The following FKBP6 variants were observed in gnomAD, a reference collection of about 807,000 sequenced individuals.
The protein encoded by FKBP6 is inactive peptidyl-prolyl cis-trans isomerase FKBP6.
FKBP6 carries 29 observed loss-of-function variants against 41.7 expected under a neutral mutation model. The ratio of observed to expected loss-of-function variants is 0.70; its 90% confidence interval spans 0.52 to 0.95. FKBP6 has a LOEUF of 0.95. FKBP6 is among the 40% of genes least tolerant of loss of function. The pLI is 0.00. For missense variants in FKBP6, 338 were observed against 408.7 expected (o/e 0.83, Z 1.49); for synonymous variants, 130 against 165.1 (o/e 0.79, Z 1.63).
chr7:73,345,505 C>T (rs1299616303), intron 8 of FKBP6, among the ~76,000 whole-genome samples: 3 of 152,162 alleles, frequency 2.0e-5, no homozygotes, highest in Non-Finnish European at 2.9e-5. Flanking sequence ...GGCAGGACTC[C>T]GGCCTGGTTG....
At chr7:73,338,317 C>T (rs1805069865) in intron 5 of FKBP6, among the ~76,000 whole-genome samples, 1 of 152,208 alleles carries the variant, frequency 6.6e-6, no homozygotes, top group Non-Finnish European at 1.5e-5. Flanking sequence ...TGAGCCACCG[C>T]ACCCGGACCC....
intron 8 of FKBP6, among the ~76,000 whole-genome samples, chr7:73,350,376 T>C (rs571431205): frequency 5.9e-5 from 9 of 152,284 alleles, no homozygotes; most frequent in African/African-American, 2.2e-4. Flanking sequence ...TGAGGAGGCC[T>C]CTGTGTGTAT....
intron 5 of FKBP6, chr7:73,339,170 T>G (rs1805096523): frequency 6.6e-6 from 1 of 152,230 alleles, no homozygotes; most frequent in Non-Finnish European, 1.5e-5. Flanking sequence ...GTCTTTCCAA[T>G]TTTTAGTATA....
intron 8 of FKBP6, among the ~76,000 whole-genome samples, chr7:73,347,083 C>T (rs1805351885): frequency 6.6e-6 from 1 of 152,176 alleles, no homozygotes; most frequent in Non-Finnish European, 1.5e-5. Context: ...CCCACACGGT[C>T]AGCTTACCTA....
chr7:73,328,515 A>C (rs782320050), intron 1 of FKBP6, 30 bp downstream of exon 1: 150 of 1,557,758 alleles, frequency 9.6e-5, no homozygotes, highest in Admixed American at 4.4e-4. Context: ...GGGGGCGTAG[A>C]CGCTGAGGGG....
intron 8 of FKBP6, among the ~76,000 whole-genome samples, chr7:73,351,511 G>A (rs1022541601): frequency 3.9e-5 from 6 of 152,208 alleles, no homozygotes; most frequent in South Asian, 4.1e-4. Flanking sequence ...AATCTTCCAC[G>A]TACCTGTGAA....
intron 5 of FKBP6, among the ~76,000 whole-genome samples, chr7:73,337,565 C>T (rs1419857981): frequency 1.3e-5 from 2 of 152,088 alleles, no homozygotes; most frequent in South Asian, 2.1e-4. Context: ...CCGCCCGCCT[C>T]GGTCTCCCAA....
intron 8 of FKBP6, among the ~76,000 whole-genome samples, chr7:73,347,063 G>A (rs1435001499): frequency 6.6e-6 from 1 of 152,154 alleles, no homozygotes; most frequent in Admixed American, 6.5e-5. Flanking sequence ...GGTGCAGGGC[G>A]AGGTGACCAC....
intron 5 of FKBP6, among the ~76,000 whole-genome samples, chr7:73,339,700 G>A (rs1554549107): frequency 7.0e-6 from 1 of 143,828 alleles, no homozygotes; most frequent in African/African-American, 2.6e-5. Context: ...CACAACCTCC[G>A]CCTCCCATGT....
chr7:73,346,102 G>A (rs782408836), intron 8 of FKBP6, among the ~76,000 whole-genome samples: 5 of 152,150 alleles, frequency 3.3e-5, no homozygotes, highest in Non-Finnish European at 5.9e-5. Flanking sequence ...AACACCACCC[G>A]AGGAAAGGAA....
chr7:73,341,043 C>T (rs1805166322), intron 6 of FKBP6, among the ~76,000 whole-genome samples: 1 of 151,630 alleles, frequency 6.6e-6, no homozygotes, highest in Non-Finnish European at 1.5e-5. Context: ...CCTGCCTCAG[C>T]CTCTCAAGTA....
At chr7:73,347,891 C>T (rs1420262984) in intron 8 of FKBP6, among the ~76,000 whole-genome samples, 1 of 152,218 alleles carries the variant, frequency 6.6e-6, no homozygotes, top group East Asian at 1.9e-4. Flanking sequence ...GTGATCCTCC[C>T]TCCTTGGCCT....
At chr7:73,340,384 G>T (rs1554549236) in intron 5 of FKBP6, among the ~76,000 whole-genome samples, 1 of 152,138 alleles carries the variant, frequency 6.6e-6, no homozygotes, top group Non-Finnish European at 1.5e-5. Context: ...GGGCATGGTG[G>T]TGCACACCTG....
rs1804694069 is a variant in FKBP6 at position 73,328,217 on chromosome 7, CTGTAGT to C, written c.-210_-205del. The C allele has an allele frequency of 6.5e-7, 1 of 1,548,918 alleles. No homozygotes were observed. Among genetic ancestry groups the C allele is most frequent in the Admixed American group, 2.0e-5 (1 of 50,980 alleles). On this transcript the variant is annotated 5_prime_UTR_variant, in exon 1 of 9. Coordinates refer to ENST00000252037, the MANE Select transcript of FKBP6 (RefSeq NM_003602.5). Reference sequence around the variant, plus strand: ...TACCTCGCACCTCACCGCGTGGCCTCTGTAGTTCCAGAGCTCGCGAGGGCCAGGGCC... The same window carrying C: ...TACCTCGCACCTCACCGCGTGGCCTCTCCAGAGCTCGCGAGGGCCAGGGCC...
chr7:73,334,365 C>T lies in FKBP6; in HGVS notation c.588+2589C>T, dbSNP rs544853909. Among the ~76,000 whole-genome samples, 3 of 152,222 alleles carry T rather than the reference C, an allele frequency of 2.0e-5. No individual in the cohort carries two copies. In the East Asian group the frequency reaches 5.8e-4, roughly 29 times the overall value. ...GTCTGGAACTCCTATTATCAGACCT[C>T]CTGCACTGAGCTTCTGGCTGCTGTC... On this transcript the variant is annotated intron_variant, in intron 5 of 8. Coordinates refer to ENST00000252037, the MANE Select transcript of FKBP6 (RefSeq NM_003602.5).
chr7:73,351,482 CTG>C (rs1178647442), intron 8 of FKBP6, among the ~76,000 whole-genome samples: 1 of 152,166 alleles, frequency 6.6e-6, no homozygotes, highest in Non-Finnish European at 1.5e-5. Flanking sequence ...TCCAGGCAAA[CTG>C]TGTGACCTGG....
chr7:73,357,986 C>CA (rs60447125), intron 8 of FKBP6, among the ~76,000 whole-genome samples, 195 bp from the exon 9 acceptor site: 11,491 of 101,074 alleles, frequency 0.11, 1,068 homozygotes, highest in African/African-American at 0.29. Flanking sequence ...GGCTCTGTCT[C>CA]AAAAAAAAAA....
chr7:73,356,746 C>T (rs1388408720), intron 8 of FKBP6, among the ~76,000 whole-genome samples: 1 of 152,050 alleles, frequency 6.6e-6, no homozygotes, highest in Non-Finnish European at 1.5e-5. Flanking sequence ...TACCATATGC[C>T]GGTAATGGTC....
chr7:73,335,396 G>A (rs555697966), intron 5 of FKBP6, among the ~76,000 whole-genome samples: 5 of 152,336 alleles, frequency 3.3e-5, no homozygotes, highest in South Asian at 2.1e-4. Flanking sequence ...TTTCTGCCCC[G>A]TGTGTGTGCC....
Sources: gnomAD v4.1 joint callset for allele counts (sites outside exome capture counted in the v4.1 genomes callset) on GRCh38, gnomAD v4.1.1 for gene constraint, MANE v1.5 for transcripts, NCBI Gene and HGNC (gene_info 2026-07-23, HGNC 2026-07-21) for gene names.